The following CLN6 variants were observed in gnomAD, a reference collection of about 807,000 sequenced individuals.
CLN6 encodes CLN6 transmembrane ER protein, also known as ceroid-lipofuscinosis neuronal protein 6.
CLN6 carries 22 observed loss-of-function variants against 33.3 expected under a neutral mutation model. That is an observed-to-expected ratio of 0.66 (90% CI 0.47 to 0.94). The LOEUF is 0.94. Ranked by LOEUF, CLN6 falls within the 40% of genes least tolerant of loss-of-function variation. The pLI is 0.00. For synonymous variants in CLN6, 201 were observed against 174.6 expected (o/e 1.15, Z -1.19); for missense variants, 387 against 417.1 (o/e 0.93, Z 0.63).
At chr15:68,235,592 ATATATATATATATATATAT>A (rs757443413) in intron 1 of CLN6, among the ~76,000 whole-genome samples, 58,388 of 104,204 alleles carry the variant, frequency 0.56, 13,146 homozygotes, top group Middle Eastern at 0.63. Flanking sequence ...AAATAAATAT[ATATATATATATATATATAT>A]ATATATATAT....
At chr15:68,254,175 G>C (rs554254974) in intron 1 of CLN6, among the ~76,000 whole-genome samples, 1 of 152,018 alleles carries the variant, frequency 6.6e-6, no homozygotes, top group Non-Finnish European at 1.5e-5. Flanking sequence ...CACCGCGCCC[G>C]GCCAAAACTA....
Position 68,241,461 on chromosome 15 carries a change from G to A in CLN6, c.179+15229C>T, listed in dbSNP as rs1467198400. ...TGTGTGGGAAATTTCCCGACTCAAC[G>A]ATTTCTGCACTGGAAAAAGTGAGAT... On this transcript the variant is annotated intron_variant, in intron 1 of 6. Transcript: ENST00000538696. The surrounding 1 kb of genome is among the most constrained non-coding windows in gnomAD (Gnocchi z 4.2). Among the ~76,000 whole-genome samples the A allele has an allele frequency of 1.3e-5, 2 of 152,120 alleles. No homozygotes were observed. The highest frequency in any genetic ancestry group is 1.5e-5 in the Non-Finnish European group (1 of 68,022).
intron 1 of CLN6, among the ~76,000 whole-genome samples, chr15:68,235,222 A>G (rs1892207215): frequency 6.6e-6 from 1 of 151,976 alleles, no homozygotes; most frequent in Non-Finnish European, 1.5e-5. Flanking sequence ...ATCTACCCCA[A>G]ACCACACAGC....
chr15:68,257,143 T>G, upstream of CLN6: 1 of 329,570 alleles, frequency 3.0e-6, no homozygotes, highest in Non-Finnish European at 5.5e-6. Flanking sequence ...ACGGCAGCGG[T>G]GCCCAGGGGC....
chr15:68,229,709 G>C lies in CLN6; in HGVS notation c.-125C>G. 1.5e-6 allele frequency: 1 copy of C among 684,040 alleles called. No homozygotes were observed. Among genetic ancestry groups the C allele is most frequent in the Non-Finnish European group, 2.1e-6 (1 of 479,482 alleles). The allele number at this position is 684,040 out of a possible 1,614,324, so 42.4% of individuals were successfully genotyped here. ...GTTCGGGGCGGGCCGGCGAGAGCGC[G>C]CGGCCCTCGGGAGGAACAGGCGGGG... On this transcript the variant is annotated 5_prime_UTR_variant, in exon 1 of 7. Transcript: ENST00000249806.
rs2093194630 is a variant in CLN6 at position 68,208,505 on chromosome 15, C to T, written c.666-95G>A. 7.0e-7 allele frequency: 1 copy of T among 1,425,084 alleles called. No individual in the cohort carries two copies. Among genetic ancestry groups the T allele is most frequent in the Non-Finnish European group, 9.7e-7 (1 of 1,027,836 alleles). 88.3% of individuals were successfully genotyped at this position (1,425,084 alleles called of 1,614,324 possible). Reference sequence around the variant, plus strand: ...TGCGAGAGCCAGGCTGCCCTCCAGGCAGGCAGAAGAGTCCTCTGGTGCCAG... The same window carrying T: ...TGCGAGAGCCAGGCTGCCCTCCAGGTAGGCAGAAGAGTCCTCTGGTGCCAG... On this transcript the variant is annotated intron_variant, in intron 6 of 6. Coordinates refer to ENST00000249806, the MANE Select transcript of CLN6 (RefSeq NM_017882.3). The surrounding 1 kb of genome is among the most constrained non-coding windows in gnomAD (Gnocchi z 5.8).
upstream of CLN6, among the ~76,000 whole-genome samples, chr15:68,233,740 T>C (rs1231393612): frequency 6.6e-6 from 1 of 152,068 alleles, no homozygotes; most frequent in East Asian, 1.9e-4. This position sits in a 1 kb window ranked among gnomAD's most constrained non-coding sequence, Gnocchi z 4.3. Flanking sequence ...CTCAGTTACT[T>C]TGGAGAGAGG....
At position 68,207,928 on chromosome 15, in the gene CLN6, G is replaced by C; in HGVS notation, c.*212C>G. Reference sequence around the variant, plus strand: ...GATGATCCAAATCAAACAGAAACTTGACGGAAATAGTAGAGTCTGAAAATG... The same window carrying C: ...GATGATCCAAATCAAACAGAAACTTCACGGAAATAGTAGAGTCTGAAAATG... On this transcript the variant is annotated 3_prime_UTR_variant, in exon 7 of 7. Transcript: ENST00000249806. 1.7e-6 allele frequency: 1 copy of C among 604,902 alleles called. No individual in the cohort carries two copies. The highest frequency in any genetic ancestry group is 2.9e-6 in the Non-Finnish European group (1 of 341,820). The allele number at this position is 604,902 out of a possible 1,614,324, so 37.5% of individuals were successfully genotyped here. A position where few individuals can be genotyped will look rare whatever the true frequency, so the allele number is the denominator to read the frequency against.
intron 1 of CLN6, among the ~76,000 whole-genome samples, chr15:68,248,028 CA>C (rs34262273): frequency 1.4e-3 from 170 of 118,108 alleles, no homozygotes; most frequent in African/African-American, 3.4e-3. Flanking sequence ...AACTCAGTCT[CA>C]AAAAAAAAAA....
At position 68,214,401 on chromosome 15, in the gene CLN6, T is replaced by C; in HGVS notation, c.199-13A>G. The C allele has an allele frequency of 6.2e-7, 1 of 1,604,938 alleles. No homozygotes were observed. The highest frequency in any genetic ancestry group is 1.1e-5 in the South Asian group (1 of 90,870). ...GAGGGAATACCAGCTGCGGAGCAAATGGAAGAATGGGCTCACCTGGGCACA... is the reference window on the plus strand; with the variant it reads ...GAGGGAATACCAGCTGCGGAGCAAACGGAAGAATGGGCTCACCTGGGCACA... On this transcript the variant is annotated splice_polypyrimidine_tract_variant and intron_variant, in intron 2 of 6. Transcript: ENST00000249806.
At chr15:68,232,437 G>A (rs910941905), upstream of CLN6, among the ~76,000 whole-genome samples, 1 of 152,126 alleles carries the variant, frequency 6.6e-6, no homozygotes, top group African/African-American at 2.4e-5. This position sits in a 1 kb window ranked among gnomAD's most constrained non-coding sequence, Gnocchi z 4.7. Flanking sequence ...GATTGCAGGC[G>A]TGAGCCACTG....
rs910659739 is a variant in CLN6, at chr15:68,210,805, T to C, written c.542+458A>G. Reference sequence around the variant, plus strand: ...ACGCCCCTCCCCAGCCTGATCCAGCTGGCTCCCCGCAGCTTCCTCCACTCC... The same window carrying C: ...ACGCCCCTCCCCAGCCTGATCCAGCCGGCTCCCCGCAGCTTCCTCCACTCC... On this transcript the variant is annotated intron_variant, in intron 5 of 6. Transcript: ENST00000249806. The surrounding 1 kb of genome is among the most constrained non-coding windows in gnomAD (Gnocchi z 5.6). Among the ~76,000 whole-genome samples, 5 of 152,186 alleles carry C rather than the reference T, an allele frequency of 3.3e-5. No individual in the cohort carries two copies. Among genetic ancestry groups the C allele is most frequent in the African/African-American group, 1.2e-4 (5 of 41,454 alleles).
intron 1 of CLN6, among the ~76,000 whole-genome samples, chr15:68,243,322 A>G (rs1892295231): frequency 6.6e-6 from 1 of 152,244 alleles, no homozygotes; most frequent in Non-Finnish European, 1.5e-5. Context: ...ATCTCGGCCT[A>G]CTTTTCCGAA....
upstream of CLN6, among the ~76,000 whole-genome samples, chr15:68,231,481 A>G (rs916798759): frequency 1.3e-5 from 2 of 152,224 alleles, no homozygotes; most frequent in South Asian, 2.1e-4. Flanking sequence ...TGATCTACAC[A>G]TCGATCTCGG....
intron 2 of CLN6, chr15:68,218,285 G>A (rs1165815168): frequency 2.3e-6 from 1 of 428,266 alleles, no homozygotes; most frequent in African/African-American, 2.0e-5. Flanking sequence ...CAGTATTACA[G>A]TATGACTGTT....
rs2093192571 is a variant in CLN6, at chr15:68,208,022, C to G, written c.*118G>C. 8 of 1,104,036 alleles carry G rather than the reference C, an allele frequency of 7.2e-6. No individual in the cohort carries two copies. In the South Asian group the frequency reaches 9.7e-5, roughly 13 times the overall value. The allele number at this position is 1,104,036 out of a possible 1,614,324, so 68.4% of individuals were successfully genotyped here. A position where few individuals can be genotyped will look rare whatever the true frequency, so the allele number is the denominator to read the frequency against. On this transcript the variant is annotated 3_prime_UTR_variant, in exon 7 of 7. Transcript: ENST00000249806. The surrounding 1 kb of genome is among the most constrained non-coding windows in gnomAD (Gnocchi z 5.8). ...CACGAATCCACGCACACGAGGCACA[C>G]CCCACTCATGCTCTCGGTCTCTGGT...
chr15:68,212,891 T>C (rs2093210161), intron 3 of CLN6: 2 of 152,224 alleles, frequency 1.3e-5, no homozygotes, highest in South Asian at 2.1e-4. Flanking sequence ...ATTTTGTACA[T>C]GAAACAAAGT....
intron 2 of CLN6, among the ~76,000 whole-genome samples, chr15:68,217,501 A>G (rs1038181219): frequency 2.6e-5 from 4 of 152,186 alleles, no homozygotes; most frequent in African/African-American, 7.2e-5. Flanking sequence ...AAGTGCTAGG[A>G]TTATAGGCAT....
At position 68,228,351 on chromosome 15, in the gene CLN6, T is replaced by C. The variant is rs1236935494; in HGVS notation, c.83+1151A>G. ...ACTTCTCACGACTCCCCAGTGCCTA[T>C]GGGATAAAGACTGTGTCCTTAACCT... On this transcript the variant is annotated intron_variant, in intron 1 of 6. Coordinates refer to ENST00000249806, the MANE Select transcript of CLN6 (RefSeq NM_017882.3). The surrounding 1 kb of genome is among the most constrained non-coding windows in gnomAD (Gnocchi z 4.4). Among the ~76,000 whole-genome samples the C allele has an allele frequency of 6.6e-6, 1 of 152,152 alleles. No homozygotes were observed. The highest frequency in any genetic ancestry group is 6.5e-5 in the Admixed American group (1 of 15,270).
Sources: allele counts gnomAD v4.1 joint callset (sites outside exome capture counted in the v4.1 genomes callset), GRCh38; gene constraint gnomAD v4.1.1; non-coding constraint Gnocchi (gnomAD v3.1); transcripts MANE v1.5; gene names NCBI Gene and HGNC (gene_info 2026-07-23, HGNC 2026-07-21).